The following ACOXL variants were observed in gnomAD, a reference collection of about 807,000 sequenced individuals.
ACOXL encodes acyl-CoA oxidase like.
ACOXL carries 70 observed loss-of-function variants against 71.9 expected under a neutral mutation model. That is an observed-to-expected ratio of 0.97 (90% CI 0.80 to 1.19). The LOEUF (loss-of-function observed/expected upper bound fraction) is 1.19. Among genes scored for constraint, ACOXL ranks in the 50% most tolerant of loss-of-function variants. The pLI is 0.00. For synonymous variants in ACOXL, 253 were observed against 281.6 expected (o/e 0.90, Z 1.02); for missense variants, 703 against 736.3 (o/e 0.95, Z 0.52).
intron 10 of ACOXL, among the ~76,000 whole-genome samples, chr2:110,881,428 TATAAC>T (rs1291168786): frequency 1.3e-5 from 2 of 152,182 alleles, no homozygotes; most frequent in Non-Finnish European, 2.9e-5. Flanking sequence ...ACTCTTTTAA[TATAAC>T]CTGTTTTCTT....
intron 9 of ACOXL, among the ~76,000 whole-genome samples, chr2:110,810,234 T>C (rs889942438): frequency 6.6e-6 from 1 of 152,252 alleles, no homozygotes; most frequent in African/African-American, 2.4e-5. Context: ...TTCTTTTTGC[T>C]TGGAGGTCAT....
chr2:111,112,539 T>C (rs542249447), intron 17 of ACOXL, among the ~76,000 whole-genome samples: 2 of 152,350 alleles, frequency 1.3e-5, no homozygotes, highest in Non-Finnish European at 2.9e-5. Context: ...AGAATGTTTG[T>C]CTAAAGGGAA....
At chr2:110,898,951 A>G (rs1049562293) in intron 10 of ACOXL, among the ~76,000 whole-genome samples, 1 of 152,232 alleles carries the variant, frequency 6.6e-6, no homozygotes, top group African/African-American at 2.4e-5. Flanking sequence ...GGTGATGAAC[A>G]TAAGGGTATC....
At chr2:111,079,823 C>G (rs1002416208) in intron 16 of ACOXL, among the ~76,000 whole-genome samples, 4 of 139,808 alleles carry the variant, frequency 2.9e-5, no homozygotes, top group Non-Finnish European at 4.6e-5. Flanking sequence ...TAAGAGTCAC[C>G]TTTTTTTTTT....
intron 2 of ACOXL, among the ~76,000 whole-genome samples, chr2:110,777,437 A>C (rs1264737093): frequency 2.0e-5 from 3 of 152,214 alleles, no homozygotes; most frequent in Non-Finnish European, 4.4e-5. Flanking sequence ...GGGGACTAAG[A>C]TGTAGAGAGA....
At chr2:110,931,995 T>C (rs192297749) in intron 11 of ACOXL, among the ~76,000 whole-genome samples, 2 of 152,348 alleles carry the variant, frequency 1.3e-5, no homozygotes, top group Admixed American at 1.3e-4. Context: ...CAGTTTTATT[T>C]GCAATAGTCC....
chr2:110,987,177 C>A lies in ACOXL; in HGVS notation c.1129C>A (p.Gln377Lys). 6.3e-7 allele frequency: 1 copy of A among 1,578,874 alleles called. No individual in the cohort carries two copies. The highest frequency in any genetic ancestry group is 8.6e-7 in the Non-Finnish European group (1 of 1,159,268). The change falls in exon 13 of 18, where the codon CAA becomes AAA. Residue 377 changes from glutamine to lysine, a missense_variant. Coordinates refer to ENST00000439055, the MANE Select transcript of ACOXL (RefSeq NM_001142807.4). ...AGAAAAACCACTCTTTGGCCTGCTC[C>A]AAAACTGGGCTGAATCTGTGGGGGA... ...YEEKPLFGLLQNWAESVGDKL... is the reference protein window; with the variant it reads ...YEEKPLFGLLKNWAESVGDKL...
At chr2:111,078,583 C>G (rs2067729000) in intron 16 of ACOXL, among the ~76,000 whole-genome samples, 1 of 152,148 alleles carries the variant, frequency 6.6e-6, no homozygotes, top group Non-Finnish European at 1.5e-5. Context: ...TATTTCTTTA[C>G]TGAAATTTAC....
intron 5 of ACOXL, 64 bp downstream of exon 5, chr2:110,794,238 C>T: frequency 1.3e-6 from 2 of 1,482,568 alleles, no homozygotes; most frequent in East Asian, 2.3e-5. Context: ...AACAGATCTC[C>T]TTCTTTCTGT....
Position 110,809,863 on chromosome 2 carries a change from G to A in ACOXL, c.753+4468G>A, listed in dbSNP as rs1687099970. Among the ~76,000 whole-genome samples, 6 of 152,312 alleles carry A rather than the reference G, an allele frequency of 3.9e-5. No homozygotes were observed. In the South Asian group the frequency reaches 1.0e-3, roughly 26 times the overall value. The stretch of plus-strand genomic sequence containing the variant: ...ATGGAGTGGTGGTGTGGCTCTGTGG[G>A]CCTGTGCTGTGTTAGGTGAGCACAG... On this transcript the variant is annotated intron_variant, in intron 9 of 17. Transcript: ENST00000439055.
chr2:111,095,222 G>GAA (rs5833386), intron 17 of ACOXL, among the ~76,000 whole-genome samples: 4,475 of 140,112 alleles, frequency 0.032, 133 homozygotes, highest in South Asian at 0.14. Flanking sequence ...TTTTTAATTA[G>GAA]AAAAAAAAAA....
At chr2:110,788,246 T>C (rs1301411257) in intron 3 of ACOXL, among the ~76,000 whole-genome samples, 2 of 152,166 alleles carry the variant, frequency 1.3e-5, no homozygotes, top group African/African-American at 4.8e-5. Flanking sequence ...CACATTTCCG[T>C]CAACAGAGGA....
chr2:111,029,395 G>C (rs750618959), intron 14 of ACOXL, among the ~76,000 whole-genome samples: 22 of 152,182 alleles, frequency 1.4e-4, no homozygotes, highest in Non-Finnish European at 3.2e-4. Context: ...CAATACTCTC[G>C]AAGTTAATGC....
chr2:110,941,945 T>C (rs1165779052), intron 12 of ACOXL, among the ~76,000 whole-genome samples: 3 of 152,174 alleles, frequency 2.0e-5, no homozygotes, highest in African/African-American at 7.2e-5. Flanking sequence ...TAAATATCTT[T>C]AAAAGATAAC....
intron 11 of ACOXL, among the ~76,000 whole-genome samples, chr2:110,914,103 C>T (rs1216852406): frequency 6.6e-6 from 1 of 152,056 alleles, no homozygotes; most frequent in African/African-American, 2.4e-5. Flanking sequence ...CTTAAATATA[C>T]TAGAAATCAC....
At chr2:110,926,672 C>T (rs1243483181) in intron 11 of ACOXL, among the ~76,000 whole-genome samples, 1 of 152,294 alleles carries the variant, frequency 6.6e-6, no homozygotes, top group Admixed American at 6.5e-5. Context: ...ATGTTAGTTG[C>T]TATTGCCATC....
chr2:111,039,315 T>A (rs2149785529), intron 15 of ACOXL, among the ~76,000 whole-genome samples: 1 of 152,292 alleles, frequency 6.6e-6, no homozygotes, highest in Admixed American at 6.5e-5. Flanking sequence ...CCTCTCTCTT[T>A]GCTTATGACT....
intron 17 of ACOXL, among the ~76,000 whole-genome samples, chr2:111,095,274 G>A (rs2068742816): frequency 6.6e-6 from 1 of 150,858 alleles, no homozygotes; most frequent in Non-Finnish European, 1.5e-5. Flanking sequence ...GTGCCACCAG[G>A]TATTTCAGTG....
chr2:111,045,321 G>A (rs1191610777), intron 15 of ACOXL, among the ~76,000 whole-genome samples: 1 of 152,210 alleles, frequency 6.6e-6, no homozygotes, highest in African/African-American at 2.4e-5. Flanking sequence ...AGGAAGAAGG[G>A]AGGGGTCATG....
Sources: allele counts gnomAD v4.1 joint callset (sites outside exome capture counted in the v4.1 genomes callset), GRCh38; gene constraint gnomAD v4.1.1; transcripts MANE v1.5; gene names NCBI Gene and HGNC (gene_info 2026-07-23, HGNC 2026-07-21).